MNAT1: variants seen among roughly 807,000 people sequenced by gnomAD.
MNAT1 encodes MNAT1 component of CDK activating kinase, also known as CDK-activating kinase assembly factor MAT1.
Under a neutral mutation model 42.0 loss-of-function variants are expected in MNAT1, and 43 were observed. The ratio of observed to expected loss-of-function variants is 1.02; its 90% confidence interval spans 0.80 to 1.32. The LOEUF is 1.32. MNAT1 is among the 40% of genes most tolerant of loss of function. MNAT1 has a pLI of 0.00. For synonymous variants in MNAT1, 118 were observed against 120.0 expected (o/e 0.98, Z 0.11); for missense variants, 306 against 350.4 (o/e 0.87, Z 1.01).
intron 7 of MNAT1, among the ~76,000 whole-genome samples, chr14:60,927,869 C>T (rs1473329688): frequency 6.6e-6 from 1 of 152,024 alleles, no homozygotes; most frequent in Non-Finnish European, 1.5e-5. Flanking sequence ...AAATAAAGTA[C>T]CATAACAGGT....
chr14:60,823,838 A>G (rs537884558), intron 6 of MNAT1, among the ~76,000 whole-genome samples: 28 of 148,062 alleles, frequency 1.9e-4, no homozygotes, highest in Non-Finnish European at 3.7e-4. Flanking sequence ...TAGCCTGGGC[A>G]ACAAAGTGAC....
At chr14:60,816,422 G>A (rs1329655017) in intron 5 of MNAT1, among the ~76,000 whole-genome samples, 2 of 151,986 alleles carry the variant, frequency 1.3e-5, no homozygotes, top group East Asian at 1.9e-4. Flanking sequence ...CTTAAATTTT[G>A]TATGGGCTAA....
At chr14:60,860,570 G>A (rs1436047590) in intron 6 of MNAT1, among the ~76,000 whole-genome samples, 3 of 151,712 alleles carry the variant, frequency 2.0e-5, no homozygotes, top group East Asian at 1.9e-4. Flanking sequence ...AGCCAGGATG[G>A]TCTCCATCTC....
chr14:60,950,826 C>T (rs1170312006), intron 7 of MNAT1, among the ~76,000 whole-genome samples: 2 of 152,118 alleles, frequency 1.3e-5, no homozygotes, highest in Admixed American at 6.6e-5. Context: ...CATGGCTGCA[C>T]TTTAGAGCTA....
chr14:60,763,578 T>C (rs1330394721), intron 1 of MNAT1, among the ~76,000 whole-genome samples: 2 of 152,194 alleles, frequency 1.3e-5, no homozygotes, highest in Non-Finnish European at 2.9e-5. Context: ...AGTTCAATTT[T>C]CACTCGGTTA....
chr14:60,867,345 A>G (rs2034227718), intron 6 of MNAT1, among the ~76,000 whole-genome samples: 1 of 152,092 alleles, frequency 6.6e-6, no homozygotes, highest in South Asian at 2.1e-4. Context: ...TTGGTAATCT[A>G]ACTATTAGGC....
chr14:60,839,535 G>A (rs1481990233), intron 6 of MNAT1, among the ~76,000 whole-genome samples: 2 of 152,194 alleles, frequency 1.3e-5, no homozygotes, highest in Non-Finnish European at 2.9e-5. Context: ...TGAAAGAGCT[G>A]TAACACAAAC....
chr14:60,792,514 A>G (rs1025242276), intron 1 of MNAT1, among the ~76,000 whole-genome samples: 4 of 152,164 alleles, frequency 2.6e-5, no homozygotes, highest in Middle Eastern at 3.2e-3. Context: ...TTTCAAGACC[A>G]TAGGTTTCTG....
intron 1 of MNAT1, among the ~76,000 whole-genome samples, chr14:60,758,702 C>A (rs1032446761): frequency 6.6e-6 from 1 of 152,132 alleles, no homozygotes; most frequent in African/African-American, 2.4e-5. Context: ...GTGTCTTCCA[C>A]CAATGCTTCT....
At chr14:60,941,507 T>C (rs1474109934) in intron 7 of MNAT1, among the ~76,000 whole-genome samples, 2 of 151,988 alleles carry the variant, frequency 1.3e-5, no homozygotes, top group Non-Finnish European at 2.9e-5. Flanking sequence ...CAAGACCAGC[T>C]TGGGCAACAT....
At chr14:60,845,808 C>A (rs2033668177) in intron 6 of MNAT1, among the ~76,000 whole-genome samples, 1 of 152,028 alleles carries the variant, frequency 6.6e-6, no homozygotes, top group Admixed American at 6.5e-5. Context: ...GCTTCTTTGA[C>A]TTAGTGTAAA....
At chr14:60,758,171 T>G (rs184049007) in intron 1 of MNAT1, among the ~76,000 whole-genome samples, 1 of 152,242 alleles carries the variant, frequency 6.6e-6, no homozygotes, top group East Asian at 1.9e-4. Flanking sequence ...CCTATTCCCC[T>G]TGTAGTCTAT....
intron 7 of MNAT1, among the ~76,000 whole-genome samples, chr14:60,950,656 G>A (rs1311413534): frequency 1.3e-5 from 2 of 152,056 alleles, no homozygotes; most frequent in East Asian, 1.9e-4. Flanking sequence ...TGTGTGGCCC[G>A]AGACAATTTT....
chr14:60,784,342 A>ATT (rs571413726), intron 1 of MNAT1, among the ~76,000 whole-genome samples: 2 of 138,486 alleles, frequency 1.4e-5, no homozygotes, highest in Admixed American at 7.2e-5. Flanking sequence ...AACTAAAAAC[A>ATT]TTTTTTTTTT....
chr14:60,786,872 C>T (rs1050207420), intron 1 of MNAT1, among the ~76,000 whole-genome samples: 1 of 152,124 alleles, frequency 6.6e-6, no homozygotes, highest in Non-Finnish European at 1.5e-5. Flanking sequence ...TAATTGCTGA[C>T]ATTGTTTTTG....
intron 3 of MNAT1, among the ~76,000 whole-genome samples, chr14:60,806,678 A>G (rs898904640): frequency 1.3e-5 from 2 of 152,200 alleles, no homozygotes; most frequent in African/African-American, 2.4e-5. Flanking sequence ...GAAATATACA[A>G]AAATTAGCCA....
intron 7 of MNAT1, among the ~76,000 whole-genome samples, chr14:60,942,734 C>A (rs1195069007): frequency 1.3e-5 from 2 of 151,976 alleles, no homozygotes; most frequent in African/African-American, 2.4e-5. Flanking sequence ...ATGACCACTA[C>A]AATGCATTTT....
intron 1 of MNAT1, among the ~76,000 whole-genome samples, chr14:60,769,334 A>G (rs1466919989): frequency 6.6e-6 from 1 of 152,090 alleles, no homozygotes; most frequent in Non-Finnish European, 1.5e-5. Flanking sequence ...GTGCAGTGGG[A>G]CAACATAACT....
At chr14:60,808,232 A>G in intron 3 of MNAT1, 93 bp from the exon 4 acceptor site, 1 of 720,450 alleles carries the variant, frequency 1.4e-6, no homozygotes. Flanking sequence ...ATGACAACCT[A>G]ACAAATGAGT....
Sources: allele counts gnomAD v4.1 joint callset (sites outside exome capture counted in the v4.1 genomes callset), GRCh38; gene constraint gnomAD v4.1.1; transcripts MANE v1.5; gene names NCBI Gene and HGNC (gene_info 2026-07-23, HGNC 2026-07-21).